IGF2BP3: variants seen among roughly 807,000 people sequenced by gnomAD.
The protein encoded by IGF2BP3 is insulin like growth factor 2 mRNA binding protein 3, also known as insulin-like growth factor 2 mRNA-binding protein 3.
In IGF2BP3, 9 loss-of-function variants were observed where a neutral mutation model predicts 73.8. The observed-to-expected ratio is 0.12, with a 90% CI of 0.07 to 0.21. IGF2BP3 has a LOEUF of 0.21. Ranked by LOEUF, IGF2BP3 falls within the 10% of genes least tolerant of loss-of-function variation. The pLI is 1.00. For missense variants in IGF2BP3, 542 were observed against 714.0 expected, an observed-to-expected ratio of 0.76 and a Z score of 2.75; for synonymous variants, 258 against 256.7, an observed-to-expected ratio of 1.01 and a Z score of -0.05.
intron 10 of IGF2BP3, among the ~76,000 whole-genome samples, chr7:23,330,373 C>G (rs1784414438): frequency 6.7e-6 from 1 of 150,094 alleles, no homozygotes; most frequent in African/African-American, 2.4e-5. Context: ...CTAGAGCTGT[C>G]AAAAATATAC....
At chr7:23,457,068 A>AAAAAC (rs1263566928) in intron 2 of IGF2BP3, among the ~76,000 whole-genome samples, 1 of 151,892 alleles carries the variant, frequency 6.6e-6, no homozygotes, top group Non-Finnish European at 1.5e-5. Context: ...AAACAAAAAC[A>AAAAAC]AAGAAGAAAT....
chr7:23,465,548 C>CA (rs921897075), intron 2 of IGF2BP3, among the ~76,000 whole-genome samples: 2 of 152,124 alleles, frequency 1.3e-5, no homozygotes, highest in African/African-American at 4.8e-5. Context: ...CACTGGAAGT[C>CA]AAAGCCAGGC....
chr7:23,377,555 G>A (rs568018780), intron 3 of IGF2BP3, among the ~76,000 whole-genome samples: 1 of 152,310 alleles, frequency 6.6e-6, no homozygotes, highest in African/African-American at 2.4e-5. Flanking sequence ...CAGCCTCTTT[G>A]GAAAACTGTC....
At chr7:23,317,574 G>T (rs753579682) in intron 12 of IGF2BP3, 65 bp downstream of exon 12, 3 of 1,202,330 alleles carry the variant, frequency 2.5e-6, no homozygotes, top group Non-Finnish European at 2.5e-6. Context: ...TAAGGGAGAC[G>T]CCAGGTTATG....
intron 7 of IGF2BP3, among the ~76,000 whole-genome samples, chr7:23,346,504 A>C (rs996815302): frequency 7.9e-5 from 12 of 152,076 alleles, no homozygotes; most frequent in Admixed American, 7.2e-4. Flanking sequence ...TTCACTTTTC[A>C]TTTTGTAGCT....
At chr7:23,404,260 C>T (rs1786759412) in intron 3 of IGF2BP3, among the ~76,000 whole-genome samples, 2 of 152,020 alleles carry the variant, frequency 1.3e-5, no homozygotes, top group South Asian at 4.2e-4. Context: ...AGGAAATGAG[C>T]TAAGAATATG....
intron 3 of IGF2BP3, among the ~76,000 whole-genome samples, chr7:23,388,766 A>T (rs1786172571): frequency 6.6e-6 from 1 of 152,134 alleles, no homozygotes; most frequent in Non-Finnish European, 1.5e-5. Flanking sequence ...TTAGTTTAAA[A>T]TAATCTTCAT....
chr7:23,411,443 G>A (rs906869696), intron 3 of IGF2BP3, among the ~76,000 whole-genome samples: 3 of 152,046 alleles, frequency 2.0e-5, no homozygotes, highest in Non-Finnish European at 2.9e-5. Context: ...TTATCCGGGC[G>A]TGGTGGCACA....
At chr7:23,406,716 G>A (rs562286397) in intron 3 of IGF2BP3, among the ~76,000 whole-genome samples, 2 of 152,158 alleles carry the variant, frequency 1.3e-5, no homozygotes, top group South Asian at 2.1e-4. Flanking sequence ...TCCCTTATTT[G>A]GCCCCACCCA....
chr7:23,469,841 G>C lies in IGF2BP3; in HGVS notation c.175+95C>G. Reference sequence around the variant, plus strand: ...CAGGCCTCACCCCCGCTCCCCCAGCGCGCCGGGCCTGGGGCCCGCGGAGCC... The same window carrying C: ...CAGGCCTCACCCCCGCTCCCCCAGCCCGCCGGGCCTGGGGCCCGCGGAGCC... On this transcript the variant is annotated intron_variant, in intron 1 of 14. Coordinates refer to ENST00000258729, the MANE Select transcript of IGF2BP3 (RefSeq NM_006547.3). This position sits in a 1 kb window ranked among gnomAD's most constrained non-coding sequence, Gnocchi z 6.1. 2 of 789,862 alleles carry C rather than the reference G, an allele frequency of 2.5e-6. No homozygotes were observed. Among genetic ancestry groups the C allele is most frequent in the Non-Finnish European group, 3.4e-6 (2 of 586,736 alleles). 48.9% of individuals were successfully genotyped at this position (789,862 alleles called of 1,614,324 possible).
chr7:23,335,288 A>ATT lies in IGF2BP3; in HGVS notation c.1203+6774_1203+6775dup, dbSNP rs5882901. Among the ~76,000 whole-genome samples, 582 of 145,768 alleles carry ATT rather than the reference A, an allele frequency of 4.0e-3. 4 individuals carry two copies. The highest frequency in any genetic ancestry group is 0.011 in the African/African-American group (447 of 39,674). On this transcript the variant is annotated intron_variant, in intron 10 of 14. Transcript: ENST00000258729. ...TTTAAAAAATTCCTTCCAACTCATA[A>ATT]TTTTTTTTTTTTTGGACAAGGTCTC...
chr7:23,323,741 A>G (rs1784220131), intron 10 of IGF2BP3, among the ~76,000 whole-genome samples: 2 of 152,374 alleles, frequency 1.3e-5, no homozygotes, highest in South Asian at 4.1e-4. Flanking sequence ...CAGTGCAATC[A>G]AACTAGAACT....
At chr7:23,384,646 T>C (rs1004756278) in intron 3 of IGF2BP3, among the ~76,000 whole-genome samples, 1 of 152,034 alleles carries the variant, frequency 6.6e-6, no homozygotes, top group African/African-American at 2.4e-5. Flanking sequence ...TCCCAGCACT[T>C]TGGGGAGGCA....
At chr7:23,408,535 C>T (rs1786918846) in intron 3 of IGF2BP3, among the ~76,000 whole-genome samples, 1 of 152,114 alleles carries the variant, frequency 6.6e-6, no homozygotes, top group South Asian at 2.1e-4. Flanking sequence ...AGTTAGAACA[C>T]ACTTGGGCAC....
At chr7:23,378,606 G>C (rs1403642225) in intron 3 of IGF2BP3, among the ~76,000 whole-genome samples, 1 of 114,076 alleles carries the variant, frequency 8.8e-6, no homozygotes, top group Admixed American at 1.2e-4. Context: ...ACAGAGTCTC[G>C]CTCTGTCGCC....
chr7:23,390,241 C>T (rs1786228989), intron 3 of IGF2BP3, among the ~76,000 whole-genome samples: 1 of 151,984 alleles, frequency 6.6e-6, no homozygotes, highest in Admixed American at 6.6e-5. Context: ...GTGTGTATAC[C>T]TGCATAGAAG....
intron 2 of IGF2BP3, among the ~76,000 whole-genome samples, chr7:23,452,000 TTTTTATTTATTTTTTA>T (rs1788210948): frequency 6.6e-6 from 1 of 151,574 alleles, no homozygotes; most frequent in Admixed American, 6.6e-5. Context: ...TCCTTTTTTT[TTTTTATTTATTTTTTA>T]TTTTTTGAGA....
intron 5 of IGF2BP3, among the ~76,000 whole-genome samples, chr7:23,356,103 G>C (rs1479574518): frequency 6.6e-6 from 1 of 152,178 alleles, no homozygotes; most frequent in African/African-American, 2.4e-5. Flanking sequence ...CACACATACA[G>C]ATCTGAATAG....
At chr7:23,440,585 T>C (rs1282509111) in intron 2 of IGF2BP3, among the ~76,000 whole-genome samples, 1 of 152,252 alleles carries the variant, frequency 6.6e-6, no homozygotes, top group Non-Finnish European at 1.5e-5. Flanking sequence ...TTTAAGAATG[T>C]GTTACACAGC....
Sources: gnomAD v4.1 joint callset for allele counts (sites outside exome capture counted in the v4.1 genomes callset) on GRCh38, gnomAD v4.1.1 for gene constraint, Gnocchi (gnomAD v3.1) non-coding constraint, MANE v1.5 for transcripts, NCBI Gene and HGNC (gene_info 2026-07-23, HGNC 2026-07-21) for gene names.